Variants in MAST4 observed in about 807,000 individuals in gnomAD.
MAST4 encodes microtubule associated serine/threonine kinase family member 4.
A neutral mutation model predicts 162.7 loss-of-function variants in MAST4; 89 were observed. The ratio of observed to expected loss-of-function variants is 0.55; its 90% CI spans 0.46 to 0.65. The LOEUF (loss-of-function observed/expected upper bound fraction) is 0.65, where lower values mean the gene tolerates loss of function less well. MAST4 is among the 30% of genes least tolerant of loss of function. The pLI, the probability that MAST4 is intolerant of heterozygous loss-of-function variation, is 0.00. For missense variants in MAST4, 3,153 were observed against 3,374.0 expected (o/e 0.93, Z 1.62); for synonymous variants, 1,479 against 1,361.1 (o/e 1.09, Z -1.91).
chr5:66,947,983 A>G (rs1430795273), intron 4 of MAST4, among the ~76,000 whole-genome samples: 1 of 152,174 alleles, frequency 6.6e-6, no homozygotes, highest in African/African-American at 2.4e-5. Context: ...TACAAAGGAA[A>G]ATAGAGTGTC....
chr5:67,126,641 T>C (rs982533246), intron 14 of MAST4, among the ~76,000 whole-genome samples: 5 of 152,094 alleles, frequency 3.3e-5, no homozygotes, highest in Non-Finnish European at 7.4e-5. Context: ...GTTTTTCTTA[T>C]GGTAGCCTTG....
intron 3 of MAST4, among the ~76,000 whole-genome samples, chr5:66,819,946 G>A (rs1161274571): frequency 1.4e-5 from 2 of 141,760 alleles, no homozygotes; most frequent in East Asian, 4.0e-4. Flanking sequence ...GCTAATTTTT[G>A]TGGGGTTTTT....
chr5:67,118,718 C>T lies in MAST4; in HGVS notation c.1628C>T (p.Ala543Val). 6.4e-7 allele frequency: 1 copy of T among 1,572,216 alleles called. No homozygotes were observed. The highest frequency in any genetic ancestry group is 1.2e-5 in the South Asian group (1 of 85,866). ...TTGGGAAACTACGATAGTGGGACAG[C>T]AGAAACACCAGAAACAGATGAATCA... is the stretch of plus-strand genomic sequence containing the variant. ...AHLGNYDSGT[A>V]ETPETDESVS... is the part of the protein sequence containing the mutation. The change falls in exon 13 of 29, where the codon GCA becomes GTA. Residue 543 changes from alanine (A) to valine (V), a missense_variant. Transcript: ENST00000403625.
chr5:66,648,301 G>T (rs184585710), intron 1 of MAST4, among the ~76,000 whole-genome samples: 252 of 152,160 alleles, frequency 1.7e-3, no homozygotes, highest in African/African-American at 5.6e-3. Context: ...GTTTAACTTG[G>T]CATGGCAAAG....
chr5:66,912,899 A>G (rs891485235), intron 4 of MAST4, among the ~76,000 whole-genome samples: 12 of 152,168 alleles, frequency 7.9e-5, no homozygotes, highest in African/African-American at 2.9e-4. Flanking sequence ...CACATCTACT[A>G]TTTAATATCA....
chr5:66,835,040 AC>A (rs1757867547), intron 3 of MAST4, among the ~76,000 whole-genome samples: 1 of 152,084 alleles, frequency 6.6e-6, no homozygotes, highest in African/African-American at 2.4e-5. Flanking sequence ...AATGCAATGC[AC>A]CTACACCACC....
At chr5:67,044,666 G>A (rs147625246) in intron 4 of MAST4, among the ~76,000 whole-genome samples, 1 of 152,074 alleles carries the variant, frequency 6.6e-6, no homozygotes, top group African/African-American at 2.4e-5. Flanking sequence ...GCACACACCA[G>A]CATGCCTAGC....
intron 4 of MAST4, among the ~76,000 whole-genome samples, chr5:66,908,277 C>T (rs948097220): frequency 1.3e-5 from 2 of 152,078 alleles, no homozygotes; most frequent in African/African-American, 4.8e-5. Context: ...GGTATAGAAA[C>T]AATGTAGGAT....
intron 4 of MAST4, among the ~76,000 whole-genome samples, chr5:66,997,156 A>C (rs1183941686): frequency 6.6e-6 from 1 of 151,694 alleles, no homozygotes; most frequent in African/African-American, 2.4e-5. Context: ...AAATATATCT[A>C]TGTATATATT....
At chr5:66,811,997 G>A (rs1435000501) in intron 3 of MAST4, among the ~76,000 whole-genome samples, 1 of 152,190 alleles carries the variant, frequency 6.6e-6, no homozygotes, top group Non-Finnish European at 1.5e-5. Context: ...TTTTACAAAT[G>A]AAGCAGTTGA....
chr5:66,728,825 T>G (rs1751671735), intron 1 of MAST4, among the ~76,000 whole-genome samples: 2 of 152,244 alleles, frequency 1.3e-5, no homozygotes, highest in Admixed American at 1.3e-4. Flanking sequence ...GTGATGGCTT[T>G]CTTTATACCA....
At chr5:66,844,107 G>A (rs890571078) in intron 3 of MAST4, among the ~76,000 whole-genome samples, 9 of 148,010 alleles carry the variant, frequency 6.1e-5, no homozygotes, top group Admixed American at 4.1e-4. Context: ...GTAAAGTCTG[G>A]CATTCATCTT....
intron 1 of MAST4, among the ~76,000 whole-genome samples, chr5:66,618,035 G>C (rs566213111): frequency 1.4e-5 from 2 of 142,222 alleles, no homozygotes; most frequent in Admixed American, 6.8e-5. Flanking sequence ...GGGAGGAATG[G>C]GGGGGGGGCC....
intron 1 of MAST4, among the ~76,000 whole-genome samples, chr5:66,645,456 A>G (rs1047797679): frequency 6.6e-6 from 1 of 152,200 alleles, no homozygotes; most frequent in African/African-American, 2.4e-5. Flanking sequence ...TATTTTAATA[A>G]TATGATTAAA....
intron 3 of MAST4, among the ~76,000 whole-genome samples, chr5:66,848,328 G>A (rs993844595): frequency 2.0e-5 from 3 of 152,052 alleles, no homozygotes; most frequent in Admixed American, 6.6e-5. Context: ...GAAAAAAGGC[G>A]ATAAGGAATG....
chr5:66,870,357 A>G lies in MAST4; in HGVS notation c.643-29594A>G, dbSNP rs554081695. 2.6e-5 allele frequency among the ~76,000 whole-genome samples: 4 copies of G among 152,112 alleles called. 1 individual carries two copies. In the South Asian group the frequency reaches 8.3e-4, roughly 32 times the overall value. ...TTCCACATCATTTTGTTCATATCTA[A>G]ATGGGTGGGATGTCTAACCCTAAGA... is the stretch of plus-strand genomic sequence containing the variant. On this transcript the variant is annotated intron_variant, in intron 3 of 28. Transcript: ENST00000403625.
chr5:67,105,869 A>G (rs1250303807), intron 10 of MAST4, among the ~76,000 whole-genome samples: 2 of 152,082 alleles, frequency 1.3e-5, no homozygotes. Flanking sequence ...GTGGACAGGG[A>G]TATTATCTGC....
At chr5:66,773,710 C>A (rs1237427367) in intron 2 of MAST4, among the ~76,000 whole-genome samples, 2 of 152,212 alleles carry the variant, frequency 1.3e-5, no homozygotes, top group Admixed American at 1.3e-4. Context: ...GCCATTCATT[C>A]TCCTTCTGCC....
intron 4 of MAST4, among the ~76,000 whole-genome samples, chr5:66,913,281 A>AC (rs887454646): frequency 7.1e-6 from 1 of 140,300 alleles, no homozygotes; most frequent in African/African-American, 2.7e-5. Context: ...TTGCTCCCCC[A>AC]CCCCCACATC....
Sources: allele counts gnomAD v4.1 joint callset (sites outside exome capture counted in the v4.1 genomes callset), GRCh38; gene constraint gnomAD v4.1.1; transcripts MANE v1.5; gene names NCBI Gene and HGNC (gene_info 2026-07-23, HGNC 2026-07-21).